Variants in MAST4 observed in about 807,000 individuals in gnomAD.
MAST4 encodes microtubule associated serine/threonine kinase family member 4.
Under a neutral mutation model 162.7 loss-of-function variants are expected in MAST4, and 89 were observed. The observed-to-expected ratio is 0.55, with a 90% CI of 0.46 to 0.65. The LOEUF (loss-of-function observed/expected upper bound fraction) is 0.65. MAST4 is among the 30% of genes least tolerant of loss of function. The pLI, the probability that MAST4 is intolerant of heterozygous loss-of-function variation, is 0.00. For missense variants in MAST4, 3,153 were observed against 3,374.0 expected, an observed-to-expected ratio of 0.93 and a Z score of 1.62; for synonymous variants, 1,479 against 1,361.1, an observed-to-expected ratio of 1.09 and a Z score of -1.91.
At chr5:66,958,596 G>A (rs1488209744) in intron 4 of MAST4, among the ~76,000 whole-genome samples, 1 of 152,112 alleles carries the variant, frequency 6.6e-6, no homozygotes, top group Non-Finnish European at 1.5e-5. Flanking sequence ...AAGTCTTTGC[G>A]GCACAACGGA....
intron 10 of MAST4, among the ~76,000 whole-genome samples, chr5:67,109,004 AC>A (rs1765910840): frequency 6.6e-6 from 1 of 152,054 alleles, no homozygotes; most frequent in Non-Finnish European, 1.5e-5. Context: ...TTATGTTAAA[AC>A]CTCTAAAACT....
intron 4 of MAST4, among the ~76,000 whole-genome samples, chr5:67,032,007 G>C (rs920533418): frequency 6.6e-6 from 1 of 152,154 alleles, no homozygotes; most frequent in African/African-American, 2.4e-5. Context: ...TTGCGTTGAA[G>C]GGGTGCTTAT....
At chr5:66,734,155 CTG>C (rs1342727393) in intron 1 of MAST4, among the ~76,000 whole-genome samples, 7 of 152,312 alleles carry the variant, frequency 4.6e-5, no homozygotes, top group Non-Finnish European at 8.8e-5. Context: ...AGTTGTTACT[CTG>C]TGACCTTGTA....
chr5:67,090,720 G>A (rs1242569438), intron 6 of MAST4, among the ~76,000 whole-genome samples: 1 of 151,244 alleles, frequency 6.6e-6, no homozygotes, highest in Admixed American at 6.6e-5. Context: ...GTCTCATAAC[G>A]GGACCACTGA....
At chr5:66,797,231 C>T (rs555702064) in intron 3 of MAST4, among the ~76,000 whole-genome samples, 6 of 152,166 alleles carry the variant, frequency 3.9e-5, no homozygotes, top group African/African-American at 7.2e-5. Context: ...AATTAGATAG[C>T]GGTTTGTTGG....
chr5:67,115,689 G>T (rs1032223948), intron 12 of MAST4, among the ~76,000 whole-genome samples: 3 of 152,192 alleles, frequency 2.0e-5, no homozygotes, highest in African/African-American at 7.2e-5. Context: ...AAGGGCAGAT[G>T]TTTAATGGTA....
At chr5:66,887,800 C>T (rs990113190) in intron 3 of MAST4, among the ~76,000 whole-genome samples, 57 of 152,188 alleles carry the variant, frequency 3.7e-4, no homozygotes, top group African/African-American at 1.4e-3. Context: ...CTAGTTTTCA[C>T]AGTGGTGATG....
At chr5:66,919,915 T>A (rs1764391316) in intron 4 of MAST4, among the ~76,000 whole-genome samples, 1 of 12,042 alleles carries the variant, frequency 8.3e-5, no homozygotes, top group African/African-American at 2.6e-4. Context: ...CTTCCTTCCT[T>A]CCTTCCTTCC....
intron 4 of MAST4, chr5:66,959,352 C>A (rs16896058): frequency 1.3e-6 from 1 of 777,438 alleles, no homozygotes; most frequent in Admixed American, 1.7e-5. Flanking sequence ...CGCTTTCTGG[C>A]GACCAATAGC....
chr5:67,121,232 T>G, intron 14 of MAST4, 130 bp downstream of exon 14: 3 of 695,006 alleles, frequency 4.3e-6, no homozygotes, highest in Non-Finnish European at 7.2e-6. Context: ...GCTCCTTTCC[T>G]GAGGCTTGTA....
At chr5:66,959,055 C>CTGAGGA in intron 4 of MAST4, 3 of 597,852 alleles carry the variant, frequency 5.0e-6, no homozygotes, top group Non-Finnish European at 9.1e-6. Context: ...TGCCGTTAAC[C>CTGAGGA]TGAGGAAAGC....
chr5:66,635,263 G>T (rs1745038447), intron 1 of MAST4, among the ~76,000 whole-genome samples: 1 of 151,556 alleles, frequency 6.6e-6, no homozygotes, highest in South Asian at 2.1e-4. Context: ...GTTTCTATCG[G>T]CAGTTAAATG....
chr5:67,146,988 A>G (rs1771173633), intron 23 of MAST4, among the ~76,000 whole-genome samples: 1 of 152,028 alleles, frequency 6.6e-6, no homozygotes, highest in Non-Finnish European at 1.5e-5. Context: ...TTTTTTTCTT[A>G]ATATAGTGAA....
chr5:66,844,568 G>T (rs1169146245), intron 3 of MAST4, among the ~76,000 whole-genome samples: 2 of 152,030 alleles, frequency 1.3e-5, no homozygotes, highest in Admixed American at 6.6e-5. Flanking sequence ...TTTTTGCTTT[G>T]TGCCAGGCTG....
chr5:67,085,926 A>C (rs1763185216), intron 5 of MAST4, among the ~76,000 whole-genome samples: 1 of 152,194 alleles, frequency 6.6e-6, no homozygotes, highest in Non-Finnish European at 1.5e-5. Context: ...AGGTTCCTGC[A>C]TCGTGTTCCA....
intron 1 of MAST4, among the ~76,000 whole-genome samples, chr5:66,709,730 T>C (rs1162842528): frequency 6.6e-6 from 1 of 152,230 alleles, no homozygotes; most frequent in Non-Finnish European, 1.5e-5. Flanking sequence ...ATATATAAAA[T>C]ACTTATTTTG....
chr5:67,025,272 C>A (rs900082127), intron 4 of MAST4, among the ~76,000 whole-genome samples: 1 of 152,016 alleles, frequency 6.6e-6, no homozygotes, highest in Non-Finnish European at 1.5e-5. Context: ...ATATCAAGAT[C>A]TAGAGGCATG....
chr5:66,784,224 G>A (rs1316062165), intron 2 of MAST4, among the ~76,000 whole-genome samples: 1 of 152,120 alleles, frequency 6.6e-6, no homozygotes, highest in Non-Finnish European at 1.5e-5. Flanking sequence ...GGAGTTGAGG[G>A]AATGTGCTCC....
intron 4 of MAST4, among the ~76,000 whole-genome samples, chr5:66,936,143 A>T (rs1340749915): frequency 6.6e-6 from 1 of 152,160 alleles, no homozygotes; most frequent in East Asian, 1.9e-4. Context: ...TCTTTGTGTT[A>T]TTCTGGTTTC....
Sources: allele counts gnomAD v4.1 joint callset (sites outside exome capture counted in the v4.1 genomes callset), GRCh38; gene constraint gnomAD v4.1.1; transcripts MANE v1.5; gene names NCBI Gene and HGNC (gene_info 2026-07-23, HGNC 2026-07-21).